The following CERS6 variants were observed in gnomAD, a reference collection of about 807,000 sequenced individuals.
CERS6 encodes ceramide synthase 6.
In CERS6, 26 loss-of-function variants were observed where a neutral mutation model predicts 56.8. The observed-to-expected ratio is 0.46, with a 90% confidence interval of 0.34 to 0.63. CERS6 has a LOEUF of 0.63. CERS6 is among the 30% of genes least tolerant of loss of function. The pLI is 0.01. For synonymous variants in CERS6, 164 were observed against 173.3 expected, an observed-to-expected ratio of 0.95 and a Z score of 0.42; for missense variants, 415 against 467.5, an observed-to-expected ratio of 0.89 and a Z score of 1.04.
intron 8 of CERS6, among the ~76,000 whole-genome samples, chr2:168,745,129 G>A (rs1684059362): frequency 6.6e-6 from 1 of 152,146 alleles, no homozygotes; most frequent in African/African-American, 2.4e-5. Flanking sequence ...AGGGAAATGA[G>A]TTTTGCAATG....
At position 168,570,581 on chromosome 2, in the gene CERS6, T is replaced by C. The variant is rs558002321; in HGVS notation, c.407+9259T>C. 7.9e-5 allele frequency among the ~76,000 whole-genome samples: 12 copies of C among 152,168 alleles called. No homozygotes were observed. The South Asian group carries it at 2.5e-3, about 32-fold the overall frequency. On this transcript the variant is annotated intron_variant, in intron 3 of 9. Coordinates refer to ENST00000305747, the MANE Select transcript of CERS6 (RefSeq NM_203463.3). Reference sequence around the variant, plus strand: ...GGGGCCTGAACAGTCTGATCAGCCTTAGGAGGTCAGCGTGACTTCTGGGTA... The same window carrying C: ...GGGGCCTGAACAGTCTGATCAGCCTCAGGAGGTCAGCGTGACTTCTGGGTA...
chr2:168,609,991 T>G (rs1684145896), intron 3 of CERS6, among the ~76,000 whole-genome samples: 4 of 148,178 alleles, frequency 2.7e-5, no homozygotes, highest in African/African-American at 1.0e-4. Flanking sequence ...TTTTTTTTTT[T>G]TTTTGAGATG....
intron 3 of CERS6, among the ~76,000 whole-genome samples, chr2:168,600,033 T>A (rs1435221117): frequency 6.6e-6 from 1 of 152,176 alleles, no homozygotes; most frequent in African/African-American, 2.4e-5. Context: ...TGGGTTGTTA[T>A]AGCAGCATTT....
intron 1 of CERS6, among the ~76,000 whole-genome samples, chr2:168,490,112 C>T (rs1694343581): frequency 6.6e-6 from 1 of 152,084 alleles, no homozygotes; most frequent in Non-Finnish European, 1.5e-5. Context: ...CCGTGTGTGC[C>T]TCTCAGGGGC....
intron 4 of CERS6, among the ~76,000 whole-genome samples, chr2:168,663,865 G>T: frequency 6.6e-6 from 1 of 151,752 alleles, no homozygotes; most frequent in Non-Finnish European, 1.5e-5. Flanking sequence ...TTGTTTTTTG[G>T]TCTTTGGTAG....
intron 4 of CERS6, among the ~76,000 whole-genome samples, chr2:168,678,984 G>T (rs1305485775): frequency 6.6e-6 from 1 of 152,138 alleles, no homozygotes; most frequent in East Asian, 1.9e-4. Flanking sequence ...ATACACAATG[G>T]AATCCTATTT....
intron 3 of CERS6, among the ~76,000 whole-genome samples, chr2:168,600,130 A>G (rs1020233077): frequency 6.6e-6 from 1 of 151,582 alleles, no homozygotes; most frequent in Non-Finnish European, 1.5e-5. Flanking sequence ...TATAGGTGAC[A>G]GTAGTGTCTG....
At chr2:168,577,434 G>C (rs905501438) in intron 3 of CERS6, among the ~76,000 whole-genome samples, 2 of 152,228 alleles carry the variant, frequency 1.3e-5, no homozygotes, top group African/African-American at 4.8e-5. Context: ...TGTTATAAAA[G>C]AGAGGTCCAG....
chr2:168,664,151 G>A (rs544724234), intron 4 of CERS6, among the ~76,000 whole-genome samples: 5 of 152,122 alleles, frequency 3.3e-5, no homozygotes, highest in South Asian at 2.1e-4. Context: ...CTGCCAACTC[G>A]ACAGCCCCTG....
intron 3 of CERS6, among the ~76,000 whole-genome samples, chr2:168,563,347 A>G (rs1323110994): frequency 6.6e-6 from 1 of 152,214 alleles, no homozygotes; most frequent in Non-Finnish European, 1.5e-5. Context: ...ATGCTTCTAA[A>G]TGATTGCTAG....
At chr2:168,673,201 T>G (rs1685966320) in intron 4 of CERS6, among the ~76,000 whole-genome samples, 1 of 152,216 alleles carries the variant, frequency 6.6e-6, no homozygotes, top group African/African-American at 2.4e-5. Flanking sequence ...ATACCAAACA[T>G]AATATAAAAC....
At chr2:168,463,798 A>G (rs921005046) in intron 1 of CERS6, among the ~76,000 whole-genome samples, 3 of 152,124 alleles carry the variant, frequency 2.0e-5, no homozygotes, top group Non-Finnish European at 4.4e-5. Flanking sequence ...AGTCCTAGCT[A>G]CCTGGGAGGC....
chr2:168,702,997 G>A (rs915076649), intron 6 of CERS6, among the ~76,000 whole-genome samples: 1 of 152,146 alleles, frequency 6.6e-6, no homozygotes, highest in Non-Finnish European at 1.5e-5. Flanking sequence ...TGCAGTAATG[G>A]AAAACAAGGC....
At chr2:168,638,429 C>CA (rs35721288) in intron 4 of CERS6, among the ~76,000 whole-genome samples, 82,044 of 147,008 alleles carry the variant, frequency 0.56, 24,311 homozygotes, top group Non-Finnish European at 0.67. Context: ...CACATCGTAT[C>CA]AAAAAAAAAA....
intron 1 of CERS6, among the ~76,000 whole-genome samples, chr2:168,516,848 C>A (rs575398472): frequency 1.2e-3 from 179 of 152,148 alleles, no homozygotes; most frequent in Non-Finnish European, 2.0e-3. Flanking sequence ...CTGAACAATT[C>A]TTGTGGAAGT....
Position 168,702,176 on chromosome 2 carries a change from T to G in CERS6, c.609+7125T>G, listed in dbSNP as rs953206843. On this transcript the variant is annotated intron_variant, in intron 6 of 9. Transcript: ENST00000305747. ...CCTATGGATAATGGGGGGCCAACAGTATTAATTTTATTAAACCTCTCTTCT... is the reference window on the plus strand; with the variant it reads ...CCTATGGATAATGGGGGGCCAACAGGATTAATTTTATTAAACCTCTCTTCT... 3.9e-5 allele frequency among the ~76,000 whole-genome samples: 6 copies of G among 152,316 alleles called. No homozygotes were observed. The East Asian group carries it at 1.2e-3, about 29-fold the overall frequency.
rs902334615 is a variant in CERS6 at position 168,694,994 on chromosome 2, G to A, written c.552G>A (p.Leu184=). The change falls in exon 6 of 10, where the codon CTG becomes CTA. Residue 184 remains leucine, a synonymous_variant. Coordinates refer to ENST00000305747, the MANE Select transcript of CERS6 (RefSeq NM_203463.3). ...CTGACCTTCACTACTATTACATCCT[G>A]GAGCTGTCGTTTTATTGGTCTTTGA... is the stretch of plus-strand genomic sequence containing the variant. The part of the protein sequence containing the change: ...LTTDLHYYYI[L]ELSFYWSLMF... 6.2e-7 allele frequency: 1 copy of A among 1,613,280 alleles called. No individual in the cohort carries two copies. Among genetic ancestry groups the A allele is most frequent in the African/African-American group, 1.3e-5 (1 of 74,766 alleles).
chr2:168,570,718 T>C lies in CERS6; in HGVS notation c.407+9396T>C, dbSNP rs149275801. On this transcript the variant is annotated intron_variant, in intron 3 of 9. Transcript: ENST00000305747. ...GAGAGTGGGAATCGAATCTACCTGG[T>C]TCATGGTCTGGCTCAAGCTCTGTTA... Among the ~76,000 whole-genome samples, 376 of 152,248 alleles carry C rather than the reference T, an allele frequency of 2.5e-3. 3 individuals carry two copies. Among genetic ancestry groups the C allele is most frequent in the African/African-American group, 8.0e-3 (333 of 41,546 alleles).
At chr2:168,687,882 T>C (rs1686396016) in intron 4 of CERS6, among the ~76,000 whole-genome samples, 1 of 152,140 alleles carries the variant, frequency 6.6e-6, no homozygotes, top group Admixed American at 6.5e-5. Context: ...TTTCATATTA[T>C]TTGTAGAGAT....
Sources: allele counts gnomAD v4.1 joint callset (sites outside exome capture counted in the v4.1 genomes callset), GRCh38; gene constraint gnomAD v4.1.1; transcripts MANE v1.5; gene names NCBI Gene and HGNC (gene_info 2026-07-23, HGNC 2026-07-21).